The following GAP43 variants were observed in gnomAD, a reference collection of about 807,000 sequenced individuals.
GAP43 encodes the protein growth associated protein 43.
Under a neutral mutation model 18.6 loss-of-function variants are expected in GAP43, and 6 were observed. That is an observed-to-expected ratio of 0.32 (90% CI 0.18 to 0.64). The LOEUF (loss-of-function observed/expected upper bound fraction) is 0.64. Among genes scored for constraint, GAP43 ranks in the 30% least tolerant of loss-of-function variants. The pLI, the probability that GAP43 is intolerant of heterozygous loss-of-function variation, is 0.78. For missense variants in GAP43, 292 were observed against 295.5 expected (o/e 0.99, Z 0.09); for synonymous variants, 115 against 111.4 (o/e 1.03, Z -0.20).
At chr3:115,684,208 C>CT (rs940443411) in intron 2 of GAP43, among the ~76,000 whole-genome samples, 4 of 151,654 alleles carry the variant, frequency 2.6e-5, no homozygotes, top group Non-Finnish European at 5.9e-5. Flanking sequence ...CTTTTGAAGG[C>CT]TTTTTTTTCC....
At chr3:115,626,665 A>C (rs933982225) in intron 1 of GAP43, among the ~76,000 whole-genome samples, 1 of 152,194 alleles carries the variant, frequency 6.6e-6, no homozygotes, top group African/African-American at 2.4e-5. Flanking sequence ...CAAAGCAAGA[A>C]AACTATGAGG....
chr3:115,641,088 C>T (rs1276905963), intron 1 of GAP43, among the ~76,000 whole-genome samples: 8 of 145,294 alleles, frequency 5.5e-5, no homozygotes, highest in Admixed American at 2.1e-4. Flanking sequence ...TGGTCTCGAG[C>T]TCCTGGGCTC....
At chr3:115,716,674 A>G (rs960615257) in intron 2 of GAP43, among the ~76,000 whole-genome samples, 1 of 138,840 alleles carries the variant, frequency 7.2e-6, no homozygotes, top group Admixed American at 7.7e-5. Context: ...ATTTTGCTTA[A>G]TATTCAATAA....
At chr3:115,690,555 A>G (rs1054165603) in intron 2 of GAP43, among the ~76,000 whole-genome samples, 20 of 152,124 alleles carry the variant, frequency 1.3e-4, no homozygotes, top group African/African-American at 4.8e-4. Context: ...GATAGAGATT[A>G]AAATGTTACC....
At chr3:115,674,964 A>G (rs546885185) in intron 1 of GAP43, among the ~76,000 whole-genome samples, 1 of 152,324 alleles carries the variant, frequency 6.6e-6, no homozygotes, top group East Asian at 1.9e-4. Flanking sequence ...TTTTTAAACC[A>G]TTAAGTTTTA....
chr3:115,651,439 A>C (rs1176065999), intron 1 of GAP43, among the ~76,000 whole-genome samples: 1 of 152,216 alleles, frequency 6.6e-6, no homozygotes, highest in Non-Finnish European at 1.5e-5. Flanking sequence ...ATTTGGCAAG[A>C]TAAATTTTAC....
chr3:115,670,796 AT>A (rs1274420834), intron 1 of GAP43, among the ~76,000 whole-genome samples: 1 of 152,310 alleles, frequency 6.6e-6, no homozygotes, highest in East Asian at 1.9e-4. Context: ...TCTGATAGGC[AT>A]GAAAACTACA....
At chr3:115,656,530 C>G (rs951526953) in intron 1 of GAP43, among the ~76,000 whole-genome samples, 1 of 152,140 alleles carries the variant, frequency 6.6e-6, no homozygotes, top group Non-Finnish European at 1.5e-5. Context: ...TGGGGAATCC[C>G]TGATCTAGGT....
At chr3:115,698,057 AAATATATAT>A (rs1414329478) in intron 2 of GAP43, among the ~76,000 whole-genome samples, 568 of 53,402 alleles carry the variant, frequency 0.011, 29 homozygotes, top group African/African-American at 0.072. Context: ...ATATTATATA[AAATATATAT>A]TATATATAAT....
chr3:115,720,822 A>T lies in GAP43; in HGVS notation c.657A>T (p.Glu219Asp). 6.2e-7 allele frequency: 1 copy of T among 1,613,114 alleles called. No individual in the cohort carries two copies. Among genetic ancestry groups the T allele is most frequent in the Non-Finnish European group, 8.5e-7 (1 of 1,179,364 alleles). ...CTGTAGATGAAACCAAACCTAAGGA[A>T]AGTGCCCGGCAGGACGAGGGTAAAG... ...IEAVDETKPK[E>D]SARQDEGKEE... The change falls in exon 3 of 3, where the codon GAA becomes GAT. Residue 219 changes from glutamate to aspartate, a missense_variant. Physicochemically the swap from Glu to Asp is conservative, Grantham distance 45. Coordinates refer to ENST00000305124, the MANE Select transcript of GAP43 (RefSeq NM_002045.4).
At chr3:115,673,036 C>G (rs556366544) in intron 1 of GAP43, among the ~76,000 whole-genome samples, 1 of 152,018 alleles carries the variant, frequency 6.6e-6, no homozygotes, top group African/African-American at 2.4e-5. Context: ...TGGTTCTCCC[C>G]GTTTCTGCTC....
At chr3:115,649,348 G>A (rs991688584) in intron 1 of GAP43, among the ~76,000 whole-genome samples, 1 of 151,972 alleles carries the variant, frequency 6.6e-6, no homozygotes, top group African/African-American at 2.4e-5. Flanking sequence ...ATTGCATTAG[G>A]GATTAAGTTT....
At chr3:115,688,414 T>A (rs1318150923) in intron 2 of GAP43, among the ~76,000 whole-genome samples, 2 of 152,168 alleles carry the variant, frequency 1.3e-5, no homozygotes, top group Admixed American at 6.5e-5. Flanking sequence ...AGTGTCAACA[T>A]AATTGTATAA....
chr3:115,624,220 AG>A (rs1481449630), intron 1 of GAP43, among the ~76,000 whole-genome samples: 2 of 152,182 alleles, frequency 1.3e-5, no homozygotes, highest in Non-Finnish European at 2.9e-5. Context: ...GAAGGGGCGC[AG>A]GTATTTATGG....
At chr3:115,634,695 A>G (rs537501652) in intron 1 of GAP43, among the ~76,000 whole-genome samples, 2 of 152,168 alleles carry the variant, frequency 1.3e-5, no homozygotes, top group South Asian at 4.2e-4. Flanking sequence ...TCTTCAGCCT[A>G]GGAGGTATAG....
intron 1 of GAP43, among the ~76,000 whole-genome samples, chr3:115,660,617 CATTT>C (rs1370502216): frequency 1.3e-5 from 2 of 152,196 alleles, no homozygotes; most frequent in Non-Finnish European, 2.9e-5. Flanking sequence ...TGAAACTTTT[CATTT>C]AAAGAGATAT....
intron 1 of GAP43, among the ~76,000 whole-genome samples, chr3:115,624,337 G>A (rs1708156943): frequency 6.6e-6 from 1 of 151,728 alleles, no homozygotes; most frequent in Non-Finnish European, 1.5e-5. Context: ...GACAACTGGG[G>A]CTGGGGGAGA....
intron 2 of GAP43, among the ~76,000 whole-genome samples, chr3:115,686,669 T>C (rs1008655751): frequency 2.0e-5 from 3 of 152,232 alleles, no homozygotes; most frequent in Non-Finnish European, 4.4e-5. Context: ...AGAATTTTCT[T>C]AAAACCTCTT....
At chr3:115,642,597 C>T (rs1388904863) in intron 1 of GAP43, among the ~76,000 whole-genome samples, 1 of 151,988 alleles carries the variant, frequency 6.6e-6, no homozygotes, top group Non-Finnish European at 1.5e-5. Flanking sequence ...AATGTTTCTT[C>T]TTGTATAGAT....
Sources: gnomAD v4.1 joint callset for allele counts (sites outside exome capture counted in the v4.1 genomes callset) on GRCh38, gnomAD v4.1.1 for gene constraint, MANE v1.5 for transcripts, NCBI Gene and HGNC (gene_info 2026-07-23, HGNC 2026-07-21) for gene names.